Variants in STK39 observed in about 807,000 individuals in gnomAD.
STK39 encodes STE20/SPS1-related proline-alanine-rich protein kinase.
In STK39, 20 loss-of-function variants were observed where a neutral mutation model predicts 77.8. The observed-to-expected ratio is 0.26, with a 90% CI of 0.18 to 0.37. STK39 has a LOEUF of 0.37. Among genes scored for constraint, STK39 ranks in the 10% least tolerant of loss-of-function variants. STK39 has a pLI of 1.00. For missense variants in STK39, 479 were observed against 656.5 expected (o/e 0.73, Z 2.95); for synonymous variants, 246 against 234.1 (o/e 1.05, Z -0.47).
intron 10 of STK39, among the ~76,000 whole-genome samples, chr2:168,114,887 A>G (rs921871940): frequency 4.6e-5 from 7 of 152,188 alleles, no homozygotes; most frequent in African/African-American, 1.4e-4. Context: ...AAGAGATTAC[A>G]GTGACAGAGT....
At chr2:168,036,900 G>A (rs1176611554) in intron 14 of STK39, among the ~76,000 whole-genome samples, 3 of 152,120 alleles carry the variant, frequency 2.0e-5, no homozygotes, top group East Asian at 1.9e-4. Context: ...AGAGTTACTC[G>A]AAAAAGAAAA....
At chr2:168,187,022 T>C (rs1372758521) in intron 1 of STK39, among the ~76,000 whole-genome samples, 2 of 152,200 alleles carry the variant, frequency 1.3e-5, no homozygotes, top group East Asian at 1.9e-4. Flanking sequence ...ATAGCAAAGA[T>C]TGTCATGTAT....
intron 5 of STK39, among the ~76,000 whole-genome samples, chr2:168,146,476 C>T (rs933984881): frequency 6.6e-6 from 1 of 152,198 alleles, no homozygotes; most frequent in Non-Finnish European, 1.5e-5. Flanking sequence ...TTAAAAGAGA[C>T]ACTGATGCCT....
intron 16 of STK39, among the ~76,000 whole-genome samples, chr2:167,974,790 C>T (rs953820349): frequency 6.6e-6 from 1 of 152,110 alleles, no homozygotes; most frequent in Non-Finnish European, 1.5e-5. Context: ...GGAAAGGACC[C>T]TAAAAGCACT....
At chr2:167,969,861 T>C (rs1458805721) in intron 16 of STK39, among the ~76,000 whole-genome samples, 2 of 151,862 alleles carry the variant, frequency 1.3e-5, no homozygotes, top group Non-Finnish European at 2.9e-5. Context: ...TCTGTTGGCC[T>C]TCCATCTCAG....
chr2:168,072,196 G>A (rs747859720), intron 12 of STK39, among the ~76,000 whole-genome samples: 21 of 152,114 alleles, frequency 1.4e-4, no homozygotes, highest in Non-Finnish European at 2.4e-4. Flanking sequence ...AAAATGACAC[G>A]CTAGATTTTT....
intron 1 of STK39, among the ~76,000 whole-genome samples, chr2:168,197,752 C>T (rs1689507821): frequency 6.6e-6 from 1 of 152,168 alleles, no homozygotes; most frequent in Admixed American, 6.5e-5. Context: ...TTAAACCATA[C>T]TGGCCGGGTG....
At chr2:168,230,774 C>G (rs547049341) in intron 1 of STK39, among the ~76,000 whole-genome samples, 1 of 149,766 alleles carries the variant, frequency 6.7e-6, no homozygotes, top group Non-Finnish European at 1.5e-5. Context: ...GGAAAAATTA[C>G]ACTCTCCCTA....
intron 10 of STK39, among the ~76,000 whole-genome samples, chr2:168,082,224 A>G (rs561380070): frequency 1.4e-4 from 22 of 152,272 alleles, no homozygotes; most frequent in Admixed American, 9.8e-4. Flanking sequence ...ATCTGTAAAT[A>G]TGCTTAAGTC....
intron 2 of STK39, among the ~76,000 whole-genome samples, chr2:168,179,913 C>T (rs2105625143): frequency 6.6e-6 from 1 of 152,302 alleles, no homozygotes; most frequent in East Asian, 1.9e-4. Context: ...TGGTAGAAAC[C>T]AGAGACCATA....
intron 8 of STK39, among the ~76,000 whole-genome samples, chr2:168,133,726 C>T (rs888329521): frequency 8.6e-5 from 13 of 151,974 alleles, no homozygotes; most frequent in African/African-American, 1.9e-4. Flanking sequence ...GGCGTGATGG[C>T]GGGCACCTGT....
At chr2:168,000,197 T>G (rs530268703) in intron 16 of STK39, among the ~76,000 whole-genome samples, 1 of 152,360 alleles carries the variant, frequency 6.6e-6, no homozygotes, top group South Asian at 2.1e-4. Context: ...ATTTAATTAT[T>G]GCTAATTGAA....
At chr2:168,216,114 G>A (rs1339469320) in intron 1 of STK39, among the ~76,000 whole-genome samples, 1 of 147,396 alleles carries the variant, frequency 6.8e-6, no homozygotes, top group African/African-American at 2.5e-5. Context: ...AGAGAGACAG[G>A]AAACAGAGTT....
intron 16 of STK39, among the ~76,000 whole-genome samples, chr2:167,996,471 G>C (rs927689310): frequency 2.0e-5 from 3 of 152,166 alleles, no homozygotes; most frequent in Admixed American, 6.5e-5. Flanking sequence ...GGCAGCCATG[G>C]GGCTATGAAG....
chr2:168,184,753 A>T (rs910406797), intron 1 of STK39, among the ~76,000 whole-genome samples: 19 of 152,226 alleles, frequency 1.2e-4, no homozygotes, highest in African/African-American at 4.3e-4. Context: ...GAAGCATCAG[A>T]ATGTAATAAG....
At chr2:168,244,658 T>C (rs1690853899) in intron 1 of STK39, among the ~76,000 whole-genome samples, 1 of 152,214 alleles carries the variant, frequency 6.6e-6, no homozygotes, top group Non-Finnish European at 1.5e-5. Context: ...TGGAAACAGG[T>C]TTGTAATTCC....
intron 10 of STK39, chr2:168,113,076 A>T (rs929387667): frequency 1.3e-5 from 2 of 152,246 alleles, no homozygotes; most frequent in African/African-American, 4.8e-5. Context: ...ATGAGCCCTA[A>T]ACTGTTTCCC....
At chr2:168,196,144 G>A (rs887075154) in intron 1 of STK39, among the ~76,000 whole-genome samples, 1 of 152,196 alleles carries the variant, frequency 6.6e-6, no homozygotes, top group African/African-American at 2.4e-5. Flanking sequence ...AAGAATAATA[G>A]CATCTTGGAG....
chr2:167,990,298 G>T (rs58184996), intron 16 of STK39, among the ~76,000 whole-genome samples: 4,870 of 152,194 alleles, frequency 0.032, 243 homozygotes, highest in East Asian at 0.21. Flanking sequence ...TTATGCAGAG[G>T]ATTTATTTCT....
Sources: allele counts gnomAD v4.1 joint callset (sites outside exome capture counted in the v4.1 genomes callset), GRCh38; gene constraint gnomAD v4.1.1; transcripts MANE v1.5; gene names NCBI Gene and HGNC (gene_info 2026-07-23, HGNC 2026-07-21).